Variants in HEXB observed in about 807,000 individuals in gnomAD.
HEXB encodes the protein beta-hexosaminidase subunit beta.
HEXB carries 51 observed loss-of-function variants against 71.2 expected under a neutral mutation model. The observed-to-expected ratio is 0.72, with a 90% CI of 0.57 to 0.90. The LOEUF is 0.90. HEXB is among the 40% of genes least tolerant of loss of function. HEXB has a pLI of 0.00. For synonymous variants in HEXB, 266 were observed against 249.3 expected (o/e 1.07, Z -0.63); for missense variants, 617 against 677.0 (o/e 0.91, Z 0.98).
intron 1 of HEXB, among the ~76,000 whole-genome samples, chr5:74,662,207 C>G (rs1327142215): frequency 6.6e-6 from 1 of 151,490 alleles, no homozygotes; most frequent in Non-Finnish European, 1.5e-5. Context: ...CATGGTAATA[C>G]TCATTAGACA....
chr5:74,701,426 C>T (rs1486323215), intron 5 of HEXB, among the ~76,000 whole-genome samples: 1 of 151,948 alleles, frequency 6.6e-6, no homozygotes, highest in African/African-American at 2.4e-5. Context: ...CCAGTAATCC[C>T]CTCATTTCTG....
rs575758615 is a variant in HEXB at position 74,713,378 on chromosome 5, A to G, written c.772-128A>G. On this transcript the variant is annotated intron_variant, in intron 6 of 13. Transcript: ENST00000261416. ...TTTTAAATGAGTCATCTAATATCAC[A>G]TGAAACTAATACATTGTCATAGTGA... The G allele has an allele frequency of 2.3e-5, 20 of 859,580 alleles. No individual in the cohort carries two copies. The South Asian group carries it at 2.5e-4, about 11-fold the overall frequency. 53.2% of individuals were successfully genotyped at this position (859,580 alleles called of 1,614,324 possible).
chr5:74,720,406 TAATTC>T lies in HEXB; in HGVS notation c.1418-18_1418-14del, dbSNP rs765477443. ...TGTATAAGCTTTGAACTTCTGAACT[TAATTC>T]AATGATTTTAATTTAGGTACTCAGA... On this transcript the variant is annotated splice_polypyrimidine_tract_variant and intron_variant, in intron 11 of 13. Coordinates refer to ENST00000261416, the MANE Select transcript of HEXB (RefSeq NM_000521.4). The T allele has an allele frequency of 6.6e-7, 1 of 1,510,340 alleles. No homozygotes were observed. The highest frequency in any genetic ancestry group is 1.7e-5 in the Admixed American group (1 of 59,904). The allele number at this position is 1,510,340 out of a possible 1,614,324, so 93.6% of individuals were successfully genotyped here. A position where few individuals can be genotyped will look rare whatever the true frequency, so the allele number is the denominator to read the frequency against.
upstream of HEXB, chr5:74,685,221 C>T (rs1748829213): frequency 6.8e-7 from 1 of 1,472,694 alleles, no homozygotes; most frequent in Non-Finnish European, 8.9e-7. Flanking sequence ...GGTCCCGAGG[C>T]TCCGGCTCGG....
At chr5:74,645,264 C>G (rs1208498173) in intron 1 of HEXB, among the ~76,000 whole-genome samples, 1 of 152,122 alleles carries the variant, frequency 6.6e-6, no homozygotes, top group Non-Finnish European at 1.5e-5. Context: ...TATTCACAGG[C>G]CGACATGGTT....
intron 1 of HEXB, among the ~76,000 whole-genome samples, chr5:74,654,225 C>G (rs1748175368): frequency 6.6e-6 from 1 of 152,148 alleles, no homozygotes. Context: ...TTATCCAGTG[C>G]TTCTCAAACT....
intron 5 of HEXB, among the ~76,000 whole-genome samples, chr5:74,704,227 C>T (rs1311920563): frequency 6.6e-6 from 1 of 152,166 alleles, no homozygotes; most frequent in East Asian, 1.9e-4. Flanking sequence ...TGAAAACCCT[C>T]CTTTTATCCT....
At chr5:74,645,253 C>G (rs1448132522) in intron 1 of HEXB, among the ~76,000 whole-genome samples, 1 of 152,096 alleles carries the variant, frequency 6.6e-6, no homozygotes, top group Non-Finnish European at 1.5e-5. Flanking sequence ...AGTGCAGTGG[C>G]TATTCACAGG....
At chr5:74,702,449 G>T (rs1454717053) in intron 5 of HEXB, among the ~76,000 whole-genome samples, 1 of 152,120 alleles carries the variant, frequency 6.6e-6, no homozygotes, top group Non-Finnish European at 1.5e-5. Flanking sequence ...GCCTTAGCTT[G>T]TCCATTTTCC....
At chr5:74,693,459 G>A in intron 2 of HEXB, 180 bp from the exon 3 acceptor site, 1 of 663,628 alleles carries the variant, frequency 1.5e-6, no homozygotes, top group African/African-American at 1.8e-5. Flanking sequence ...TGGGGCATGT[G>A]GAGTCGAAGG....
At chr5:74,698,343 G>A (rs1749165364) in intron 5 of HEXB, among the ~76,000 whole-genome samples, 3 of 151,616 alleles carry the variant, frequency 2.0e-5, no homozygotes, top group East Asian at 1.9e-4. Context: ...CAAAGTGCTG[G>A]GATTGCAGGT....
At position 74,685,543 on chromosome 5, in the gene HEXB, G is replaced by A; in HGVS notation, c.283G>A (p.Glu95Lys). 1 of 1,567,292 alleles carries A rather than the reference G, an allele frequency of 6.4e-7. No individual in the cohort carries two copies. Among genetic ancestry groups the A allele is most frequent in the Non-Finnish European group, 8.6e-7 (1 of 1,159,260 alleles). Residue 95 changes from glutamate (E) to lysine (K), a missense_variant, in exon 1 of 14, where the codon GAG becomes AAG. By Grantham distance (56) the Glu-to-Lys change is moderately conservative (BLOSUM62 1). Coordinates refer to ENST00000261416, the MANE Select transcript of HEXB (RefSeq NM_000521.4). ...GGCGGGCCCCTCCTGCACCCTGCTG[G>A]AGGAAGCGTTTCGACGGTGAGCGCT... ...STAGPSCTLLEEAFRRYHGYI... is the reference protein window; with the variant it reads ...STAGPSCTLLKEAFRRYHGYI...
intron 1 of HEXB, among the ~76,000 whole-genome samples, chr5:74,646,724 C>T (rs903880299): frequency 1.1e-4 from 17 of 151,968 alleles, no homozygotes; most frequent in Non-Finnish European, 1.9e-4. Flanking sequence ...TCTGCCACCG[C>T]GCCCAGCTAA....
chr5:74,652,129 G>C lies in HEXB; in HGVS notation c.-377+11571G>C, dbSNP rs1217095854. On this transcript the variant is annotated intron_variant, in intron 1 of 13. Coordinates refer to the HEXB transcript ENST00000511181. The surrounding 1 kb of genome is among the most constrained non-coding windows in gnomAD (Gnocchi z 5.4). The stretch of plus-strand genomic sequence containing the variant: ...TAAAATGATGAACTCTTTTACGTGA[G>C]TAGGTAATACATATGCATGGATCAA... Among the ~76,000 whole-genome samples, 3 of 152,306 alleles carry C rather than the reference G, an allele frequency of 2.0e-5. No homozygotes were observed. The East Asian group carries it at 5.8e-4, about 29-fold the overall frequency.
chr5:74,689,307 T>A, intron 1 of HEXB, 21 bp from the exon 2 acceptor site: 3 of 1,601,502 alleles, frequency 1.9e-6, no homozygotes, highest in Non-Finnish European at 2.6e-6. Flanking sequence ...TAAAATGTGT[T>A]TACATTTATT....
intron 1 of HEXB, among the ~76,000 whole-genome samples, chr5:74,658,137 C>A (rs1335884747): frequency 6.6e-6 from 1 of 152,164 alleles, no homozygotes; most frequent in Non-Finnish European, 1.5e-5. Flanking sequence ...GCTTTGGGAA[C>A]TAGCAGCACT....
intron 1 of HEXB, among the ~76,000 whole-genome samples, chr5:74,689,009 A>C (rs981536205): frequency 6.6e-6 from 1 of 152,104 alleles, no homozygotes; most frequent in African/African-American, 2.4e-5. Flanking sequence ...TTTCATTCCC[A>C]AGAGTGATGG....
At chr5:74,678,429 AG>A (rs1748676084) in intron 1 of HEXB, among the ~76,000 whole-genome samples, 1 of 152,082 alleles carries the variant, frequency 6.6e-6, no homozygotes, top group Non-Finnish European at 1.5e-5. Flanking sequence ...AGAACTATAC[AG>A]CTTTAAGAAA....
intron 1 of HEXB, among the ~76,000 whole-genome samples, chr5:74,646,846 C>T (rs369905438): frequency 6.6e-5 from 10 of 152,240 alleles, no homozygotes; most frequent in African/African-American, 1.9e-4. Flanking sequence ...GGATTACAGG[C>T]GTGAGCCACC....
Sources: gnomAD v4.1 joint callset for allele counts (sites outside exome capture counted in the v4.1 genomes callset) on GRCh38, gnomAD v4.1.1 for gene constraint, Gnocchi (gnomAD v3.1) non-coding constraint, MANE v1.5 for transcripts, NCBI Gene and HGNC (gene_info 2026-07-23, HGNC 2026-07-21) for gene names.